ARHGAP22: variants seen among roughly 807,000 people sequenced by gnomAD.
ARHGAP22 encodes Rho GTPase activating protein 22.
ARHGAP22 carries 48 observed loss-of-function variants against 59.1 expected under a neutral mutation model. The ratio of observed to expected loss-of-function variants is 0.81; its 90% CI spans 0.64 to 1.03. The LOEUF is 1.03. Among genes scored for constraint, ARHGAP22 ranks in the 50% least tolerant of loss-of-function variants. ARHGAP22 has a pLI of 0.00. For missense variants in ARHGAP22, 1,015 were observed against 958.7 expected (o/e 1.06, Z -0.78); for synonymous variants, 445 against 416.4 (o/e 1.07, Z -0.84).
intron 1 of ARHGAP22, among the ~76,000 whole-genome samples, chr10:48,647,133 C>T (rs1264818853): frequency 1.3e-5 from 2 of 152,170 alleles, no homozygotes; most frequent in Admixed American, 1.3e-4. Context: ...GTGGTTTACA[C>T]TTGTAATCCC....
intron 3 of ARHGAP22, among the ~76,000 whole-genome samples, chr10:48,535,780 T>C (rs1022837886): frequency 1.6e-4 from 25 of 152,216 alleles, no homozygotes; most frequent in Non-Finnish European, 4.4e-5. Flanking sequence ...TGAAAGACTC[T>C]CAGTTCATGT....
intron 1 of ARHGAP22, among the ~76,000 whole-genome samples, chr10:48,595,788 G>C (rs1240541104): frequency 1.3e-5 from 2 of 152,124 alleles, no homozygotes; most frequent in South Asian, 4.1e-4. Flanking sequence ...TGGAATTACA[G>C]GCATGAGCTA....
chr10:48,592,562 C>T (rs1391528942), intron 1 of ARHGAP22, among the ~76,000 whole-genome samples: 1 of 152,188 alleles, frequency 6.6e-6, no homozygotes, highest in African/African-American at 2.4e-5. Context: ...CTCCCATCTC[C>T]CCGTCTTCCT....
chr10:48,459,793 G>A lies in ARHGAP22; in HGVS notation c.550C>T (p.Arg184Trp), dbSNP rs781379645. 2 of 1,613,836 alleles carry A rather than the reference G, an allele frequency of 1.2e-6. No individual in the cohort carries two copies. Among genetic ancestry groups the A allele is most frequent in the Non-Finnish European group, 8.5e-7 (1 of 1,180,018 alleles). Residue 184 changes from arginine (R) to tryptophan (W), a missense_variant, in exon 5 of 10, where the codon CGG becomes TGG. Arg to Trp is a moderately radical substitution (Grantham distance 101). Coordinates refer to ENST00000249601, the MANE Select transcript of ARHGAP22 (RefSeq NM_021226.4). Reference protein sequence around the residue: ...LLVEQCVDFIRERGLTEEGLF... With the variant: ...LLVEQCVDFIWERGLTEEGLF... ...CCCTCCTCAGTGAGCCCGCGCTCCC[G>A]GATGAAGTCCACACACTGCTCCACC...
At position 48,565,169 on chromosome 10, in the gene ARHGAP22, C is replaced by CA. The variant is rs2057969262; in HGVS notation, c.235-9620_235-9619insT. Among the ~76,000 whole-genome samples, 7 of 151,188 alleles carry CA rather than the reference C, an allele frequency of 4.6e-5. No individual in the cohort carries two copies. In the South Asian group the frequency reaches 1.5e-3, roughly 32 times the overall value. On this transcript the variant is annotated intron_variant, in intron 2 of 9. Transcript: ENST00000249601. ...CAGACAGATCTGGTTTTAATCCTGACTACTGCTTAGTGATAGTAAACTTTG... is the reference window on the plus strand; with the variant it reads ...CAGACAGATCTGGTTTTAATCCTGACATACTGCTTAGTGATAGTAAACTTTG...
At chr10:48,539,309 T>TTTTTTTTTAG (rs1590039873) in intron 3 of ARHGAP22, among the ~76,000 whole-genome samples, 1 of 148,250 alleles carries the variant, frequency 6.7e-6, no homozygotes, top group African/African-American at 2.5e-5. Context: ...TTTTTTTTTT[T>TTTTTTTTTAG]GAGACGGAGT....
intron 1 of ARHGAP22, among the ~76,000 whole-genome samples, chr10:48,601,454 T>C (rs2060377856): frequency 6.6e-6 from 1 of 152,240 alleles, no homozygotes; most frequent in Admixed American, 6.5e-5. Context: ...TTGTCATTGG[T>C]TCTTTTGGTA....
intron 8 of ARHGAP22, among the ~76,000 whole-genome samples, chr10:48,452,175 G>A (rs950223028): frequency 3.3e-5 from 5 of 152,152 alleles, no homozygotes; most frequent in Admixed American, 1.3e-4. Context: ...GGCCTGCAGC[G>A]GAGGTGGGCA....
chr10:48,488,813 C>T (rs1317345628), intron 3 of ARHGAP22, among the ~76,000 whole-genome samples: 2 of 152,210 alleles, frequency 1.3e-5, no homozygotes, highest in Admixed American at 6.5e-5. Context: ...TGGCTCAATT[C>T]TCAAGGCATT....
At chr10:48,438,804 A>G in the ARHGAP22 span, 4 of 152,322 alleles carry the variant, frequency 2.6e-5, no homozygotes, top group African/African-American at 9.6e-5. Flanking sequence ...CTTTGACTGT[A>G]TGTCTTGCAA....
At chr10:48,464,438 ACTT>A (rs1194226606) in intron 4 of ARHGAP22, among the ~76,000 whole-genome samples, 2 of 152,236 alleles carry the variant, frequency 1.3e-5, no homozygotes, top group African/African-American at 4.8e-5. Context: ...GGTCCTGGGC[ACTT>A]CTAGAGAGAA....
At chr10:48,504,626 T>C (rs1000175907) in intron 3 of ARHGAP22, among the ~76,000 whole-genome samples, 1 of 152,096 alleles carries the variant, frequency 6.6e-6, no homozygotes, top group African/African-American at 2.4e-5. Context: ...GGTTGGCAGA[T>C]GGACAGGAGA....
intron 9 of ARHGAP22, among the ~76,000 whole-genome samples, chr10:48,448,141 C>A (rs1306228923): frequency 1.3e-5 from 2 of 152,214 alleles, no homozygotes; most frequent in Admixed American, 1.3e-4. Flanking sequence ...AAAACCAGAG[C>A]ATTGCCCAGG....
chr10:48,603,808 G>T (rs558020105), intron 1 of ARHGAP22, among the ~76,000 whole-genome samples: 1 of 152,330 alleles, frequency 6.6e-6, no homozygotes, highest in South Asian at 2.1e-4. Flanking sequence ...CCAAGTGCTT[G>T]CAGTGTGCTA....
At chr10:48,435,122 T>G in the ARHGAP22 span, 1 of 996,542 alleles carries the variant, frequency 1.0e-6, no homozygotes, top group Non-Finnish European at 1.4e-6. Context: ...TATTTTTGGG[T>G]GATTTTTCAA....
intron 3 of ARHGAP22, among the ~76,000 whole-genome samples, chr10:48,494,058 T>A (rs573472100): frequency 1.7e-4 from 26 of 152,266 alleles, no homozygotes; most frequent in Non-Finnish European, 2.1e-4. Context: ...TAAACCCACC[T>A]CCCAGGACTG....
intron 9 of ARHGAP22, among the ~76,000 whole-genome samples, chr10:48,447,727 C>G (rs964642736): frequency 5.3e-5 from 8 of 152,258 alleles, no homozygotes; most frequent in African/African-American, 1.7e-4. Flanking sequence ...ATTTCATCAG[C>G]ATCTCTGACT....
In ARHGAP22 at chr10:48,451,067, C is replaced by T. The variant is rs760775784; in HGVS notation, c.1062G>A (p.Pro354=). 9.7e-6 allele frequency: 15 copies of T among 1,552,288 alleles called. No individual in the cohort carries two copies. In the East Asian group the frequency reaches 2.0e-4, roughly 20 times the overall value. The change falls in exon 9 of 10, where the codon CCG becomes CCA. Residue 354 remains proline (P), a synonymous_variant. Coordinates refer to ENST00000249601, the MANE Select transcript of ARHGAP22 (RefSeq NM_021226.4). Reference sequence around the variant, plus strand: ...CCCCGCGCGGGGAGGTGGGCCCTTCCGGGACCGGTGCCGTGAAGAGCTGGC... The same window carrying T: ...CCCCGCGCGGGGAGGTGGGCCCTTCTGGGACCGGTGCCGTGAAGAGCTGGC... ...KHSQLFTAPV[P]EGPTSPRGGL...
chr10:48,460,533 C>G (rs1260149730), intron 4 of ARHGAP22, among the ~76,000 whole-genome samples: 3 of 152,170 alleles, frequency 2.0e-5, no homozygotes, highest in African/African-American at 7.2e-5. Flanking sequence ...GCACTGCTGG[C>G]AGGATGATAA....
Sources: allele counts gnomAD v4.1 joint callset (sites outside exome capture counted in the v4.1 genomes callset), GRCh38; gene constraint gnomAD v4.1.1; transcripts MANE v1.5; gene names NCBI Gene and HGNC (gene_info 2026-07-23, HGNC 2026-07-21).